CACNA1C: variants seen among roughly 807,000 people sequenced by gnomAD.
CACNA1C encodes the protein voltage-dependent L-type calcium channel subunit alpha-1C.
In CACNA1C, 30 loss-of-function variants were observed where a neutral mutation model predicts 229.0. That is an observed-to-expected ratio of 0.13 (90% CI 0.10 to 0.18). The LOEUF (loss-of-function observed/expected upper bound fraction) is 0.18. CACNA1C is among the 10% of genes least tolerant of loss of function. CACNA1C has a pLI of 1.00. For missense variants in CACNA1C, 1,658 were observed against 2,845.0 expected (o/e 0.58, Z 9.49); for synonymous variants, 1,114 against 1,132.5 (o/e 0.98, Z 0.33).
chr12:2,177,672 T>C (rs7957627), intron 3 of CACNA1C, among the ~76,000 whole-genome samples: 48,668 of 145,004 alleles, frequency 0.34, 9,191 homozygotes, highest in South Asian at 0.41. Context: ...CTTCTCGCTC[T>C]GTTGCCCAGG....
intron 3 of CACNA1C, among the ~76,000 whole-genome samples, chr12:2,435,578 C>T (rs772285642): frequency 6.6e-6 from 1 of 152,172 alleles, no homozygotes; most frequent in Non-Finnish European, 1.5e-5. Flanking sequence ...GTGGCCTCTG[C>T]AGCACCCCTG....
intron 3 of CACNA1C, among the ~76,000 whole-genome samples, chr12:2,300,501 CTGT>C (rs1272881635): frequency 1.3e-5 from 2 of 152,022 alleles, no homozygotes; most frequent in African/African-American, 4.8e-5. Flanking sequence ...TGGCATGCAC[CTGT>C]TGTTCTAGCT....
At chr12:2,244,317 G>A (rs1001202970) in intron 3 of CACNA1C, among the ~76,000 whole-genome samples, 1 of 152,226 alleles carries the variant, frequency 6.6e-6, no homozygotes, top group African/African-American at 2.4e-5. Context: ...GGAATGCGGT[G>A]TTGACTCATG....
At chr12:1,990,707 A>G (rs2039147500) in intron 1 of CACNA1C, among the ~76,000 whole-genome samples, 1 of 152,212 alleles carries the variant, frequency 6.6e-6, no homozygotes, top group Non-Finnish European at 1.5e-5. Flanking sequence ...ATCTTGAGGA[A>G]ATAGTCTTAC....
intron 1 of CACNA1C, among the ~76,000 whole-genome samples, chr12:2,057,844 A>G (rs1340370184): frequency 1.3e-5 from 2 of 152,168 alleles, no homozygotes; most frequent in African/African-American, 4.8e-5. Context: ...CCAGTGGAGC[A>G]TGGGGTGACC....
At chr12:2,144,470 G>A (rs1283948699) in intron 3 of CACNA1C, among the ~76,000 whole-genome samples, 1 of 151,388 alleles carries the variant, frequency 6.6e-6, no homozygotes, top group African/African-American at 2.4e-5. Flanking sequence ...CACCTATCAT[G>A]TATGAGACAC....
chr12:1,991,352 A>G (rs2039366706), intron 1 of CACNA1C: 2 of 418,170 alleles, frequency 4.8e-6, no homozygotes, highest in Non-Finnish European at 9.5e-6. Context: ...ATAAAATATG[A>G]AAAACAAATT....
chr12:2,485,773 T>C (rs2099695132), intron 5 of CACNA1C, among the ~76,000 whole-genome samples: 1 of 152,210 alleles, frequency 6.6e-6, no homozygotes, highest in Non-Finnish European at 1.5e-5. Flanking sequence ...GATGCTGCTC[T>C]AGGAGAAAAA....
chr12:2,640,747 C>A (rs2238096), intron 30 of CACNA1C, among the ~76,000 whole-genome samples: 127,900 of 152,210 alleles, frequency 0.84, 55,095 homozygotes, highest in South Asian at 0.94. Context: ...CCATAGGCCC[C>A]CAGGCACAAC....
At chr12:2,610,419 G>C in intron 27 of CACNA1C, 122 bp from the exon 28 acceptor site, 1 of 981,332 alleles carries the variant, frequency 1.0e-6, no homozygotes, top group South Asian at 1.8e-5. Context: ...TGATTTCTCA[G>C]ACTTCCGGAG....
chr12:2,623,540 A>C (rs1038650289), intron 29 of CACNA1C, among the ~76,000 whole-genome samples: 2 of 151,958 alleles, frequency 1.3e-5, no homozygotes, highest in Non-Finnish European at 2.9e-5. Flanking sequence ...ACCACCTCTG[A>C]GCTTCCAGAG....
rs776063787 is a variant in CACNA1C, at chr12:2,598,917, G to A, written c.2853+1628G>A. ...ATCTGACCAGGCCTTGGTTCCTGGAGGTCGGGAGAGGGAACCGAAAGTTGC... is the reference window on the plus strand; with the variant it reads ...ATCTGACCAGGCCTTGGTTCCTGGAAGTCGGGAGAGGGAACCGAAAGTTGC... On this transcript the variant is annotated intron_variant, in intron 21 of 46. Transcript: ENST00000399655. Among the ~76,000 whole-genome samples, 76 of 152,258 alleles carry A rather than the reference G, an allele frequency of 5.0e-4. 1 individual carries two copies. The highest frequency in any genetic ancestry group is 4.1e-4 in the Non-Finnish European group (28 of 68,020).
intron 34 of CACNA1C, among the ~76,000 whole-genome samples, chr12:2,663,825 T>C (rs2095905465): frequency 7.2e-6 from 1 of 139,800 alleles, no homozygotes; most frequent in Non-Finnish European, 1.5e-5. Context: ...CACTGCAAAC[T>C]CCGCCTCCCG....
At chr12:2,136,879 A>C (rs1203022295) in intron 3 of CACNA1C, among the ~76,000 whole-genome samples, 1 of 151,304 alleles carries the variant, frequency 6.6e-6, no homozygotes, top group Non-Finnish European at 1.5e-5. Flanking sequence ...GGGTGAGGGA[A>C]CCCAGAATCA....
chr12:2,390,025 A>G (rs927092183), intron 3 of CACNA1C, among the ~76,000 whole-genome samples: 1 of 152,212 alleles, frequency 6.6e-6, no homozygotes, highest in Non-Finnish European at 1.5e-5. Flanking sequence ...ATTTCTAGAA[A>G]TCATAGAGTC....
intron 1 of CACNA1C, among the ~76,000 whole-genome samples, chr12:2,021,473 G>A (rs1159448232): frequency 4.6e-5 from 7 of 152,154 alleles, no homozygotes; most frequent in Admixed American, 4.6e-4. Context: ...GAGGTCAGGA[G>A]TTTGAGACCA....
At chr12:2,457,169 A>G (rs57557838) in intron 4 of CACNA1C, among the ~76,000 whole-genome samples, 1 of 152,246 alleles carries the variant, frequency 6.6e-6, no homozygotes, top group Non-Finnish European at 1.5e-5. Context: ...GTGGGGAAAC[A>G]GAGCACATGG....
intron 3 of CACNA1C, among the ~76,000 whole-genome samples, chr12:2,435,239 C>T (rs2099123047): frequency 6.6e-6 from 1 of 152,278 alleles, no homozygotes. Flanking sequence ...TGCCACCACA[C>T]ATCCTGACCA....
intron 3 of CACNA1C, among the ~76,000 whole-genome samples, chr12:2,147,651 TGAA>T (rs965150023): frequency 5.3e-5 from 8 of 150,924 alleles, no homozygotes; most frequent in African/African-American, 1.9e-4. Context: ...GATAAAGATG[TGAA>T]GAAGTATATA....
Sources: gnomAD v4.1 joint callset for allele counts (sites outside exome capture counted in the v4.1 genomes callset) on GRCh38, gnomAD v4.1.1 for gene constraint, MANE v1.5 for transcripts, NCBI Gene and HGNC (gene_info 2026-07-23, HGNC 2026-07-21) for gene names.